The following FGF14 variants were observed in gnomAD, a reference collection of about 807,000 sequenced individuals.
The protein encoded by FGF14 is fibroblast growth factor 14.
In FGF14, 5 loss-of-function variants were observed where a neutral mutation model predicts 25.5. The ratio of observed to expected loss-of-function variants is 0.20; its 90% confidence interval spans 0.10 to 0.41. The LOEUF is 0.41. FGF14 is among the 10% of genes least tolerant of loss of function. The pLI, the probability that FGF14 is intolerant of heterozygous loss-of-function variation, is 1.00. For synonymous variants in FGF14, 138 were observed against 118.3 expected (o/e 1.17, Z -1.08); for missense variants, 222 against 320.1 (o/e 0.69, Z 2.34).
At chr13:102,073,703 A>T (rs1162766620) in intron 1 of FGF14, among the ~76,000 whole-genome samples, 1 of 152,214 alleles carries the variant, frequency 6.6e-6, no homozygotes, top group Non-Finnish European at 1.5e-5. Context: ...AATAACAATC[A>T]AATGGAAGAT....
intron 1 of FGF14, among the ~76,000 whole-genome samples, chr13:101,978,447 TCC>T (rs2038059716): frequency 1.3e-5 from 2 of 152,152 alleles, no homozygotes; most frequent in African/African-American, 2.4e-5. Context: ...CTAAATAGCA[TCC>T]AAAAAACACT....
chr13:102,233,864 T>C (rs1459078257), intron 1 of FGF14, among the ~76,000 whole-genome samples: 2 of 152,206 alleles, frequency 1.3e-5, no homozygotes, highest in East Asian at 3.9e-4. Context: ...ATGCTGACTT[T>C]TAATGTGCTT....
intron 1 of FGF14, among the ~76,000 whole-genome samples, chr13:102,126,227 TC>T (rs1329282159): frequency 7.2e-5 from 11 of 152,146 alleles, no homozygotes; most frequent in African/African-American, 2.7e-4. Flanking sequence ...TCCCATTTCC[TC>T]CCTCTCCTTT....
intron 1 of FGF14, among the ~76,000 whole-genome samples, chr13:102,236,205 C>T (rs1801122081): frequency 6.6e-6 from 1 of 152,168 alleles, no homozygotes; most frequent in African/African-American, 2.4e-5. Flanking sequence ...TTCTAATAAA[C>T]TTCTTTCACT....
chr13:101,785,133 C>T (rs772311002), intron 3 of FGF14, among the ~76,000 whole-genome samples: 63 of 152,114 alleles, frequency 4.1e-4, no homozygotes, highest in Non-Finnish European at 6.8e-4. Flanking sequence ...AAGCACATGT[C>T]TTCCAAATGT....
intron 1 of FGF14, among the ~76,000 whole-genome samples, chr13:102,188,100 A>T (rs1474779614): frequency 1.3e-5 from 2 of 152,196 alleles, no homozygotes; most frequent in East Asian, 3.9e-4. Flanking sequence ...GTGAAATGCA[A>T]GAACCAGATA....
chr13:101,945,771 G>A (rs2035764123), intron 1 of FGF14, among the ~76,000 whole-genome samples: 1 of 152,188 alleles, frequency 6.6e-6, no homozygotes, highest in South Asian at 2.1e-4. Context: ...CTCTGCTGCT[G>A]TGACACGGCA....
chr13:101,738,983 T>C (rs2036365597), intron 3 of FGF14, among the ~76,000 whole-genome samples: 1 of 148,234 alleles, frequency 6.7e-6, no homozygotes, highest in Admixed American at 6.8e-5. Context: ...TGCCAATTGG[T>C]GTGTTTATAT....
chr13:102,257,240 T>C lies in FGF14; in HGVS notation c.208+144231A>G, dbSNP rs140778969. ...GATAGAAATGCATTACCTCCAATAA[T>C]AGGGACATTTTCTGGAAGTGAATTC... On this transcript the variant is annotated intron_variant, in intron 1 of 4. Coordinates refer to the FGF14 transcript ENST00000376131. Among the ~76,000 whole-genome samples, 19 of 151,810 alleles carry C rather than the reference T, an allele frequency of 1.3e-4. No homozygotes were observed. In the East Asian group the frequency reaches 3.3e-3, roughly 26 times the overall value.
At chr13:101,825,593 C>T (rs746927321) in intron 3 of FGF14, among the ~76,000 whole-genome samples, 6 of 152,078 alleles carry the variant, frequency 3.9e-5, no homozygotes, top group Non-Finnish European at 7.3e-5. Flanking sequence ...GTTAGCGTTA[C>T]AGAAAAGTCC....
chr13:102,162,146 T>G (rs566483289), intron 1 of FGF14, among the ~76,000 whole-genome samples: 30 of 152,166 alleles, frequency 2.0e-4, no homozygotes, highest in Non-Finnish European at 4.3e-4. Context: ...AACTTGCAGC[T>G]AACTGGGAGG....
At chr13:101,725,566 A>G (rs2035364319) in intron 4 of FGF14, among the ~76,000 whole-genome samples, 1 of 152,128 alleles carries the variant, frequency 6.6e-6, no homozygotes, top group Non-Finnish European at 1.5e-5. Flanking sequence ...CTCACAGATG[A>G]TGAAGAATTG....
chr13:101,918,554 ACTTTCT>A (rs546438139), upstream of FGF14, among the ~76,000 whole-genome samples: 1 of 152,174 alleles, frequency 6.6e-6, no homozygotes, highest in Admixed American at 6.5e-5. Flanking sequence ...ACCAAAACAC[ACTTTCT>A]CTTTGTCTCA....
At chr13:101,882,650 A>C (rs969459648) in intron 1 of FGF14, among the ~76,000 whole-genome samples, 1 of 152,164 alleles carries the variant, frequency 6.6e-6, no homozygotes. Context: ...AAATAACTGC[A>C]CATGGCAAGG....
chr13:101,917,834 C>G (rs2033686825), upstream of FGF14, among the ~76,000 whole-genome samples: 1 of 152,170 alleles, frequency 6.6e-6, no homozygotes, highest in Non-Finnish European at 1.5e-5. Context: ...CTCCCCAGCC[C>G]TGGGAGGAGG....
intron 1 of FGF14, among the ~76,000 whole-genome samples, chr13:102,023,556 C>T (rs1296270742): frequency 6.6e-6 from 1 of 151,922 alleles, no homozygotes; most frequent in Non-Finnish European, 1.5e-5. Flanking sequence ...AAAATTTTAT[C>T]ATCACAAAAA....
At chr13:102,228,434 G>T (rs1380066439) in intron 1 of FGF14, among the ~76,000 whole-genome samples, 1 of 152,128 alleles carries the variant, frequency 6.6e-6, no homozygotes, top group Non-Finnish European at 1.5e-5. Flanking sequence ...GGTATTAATT[G>T]AATAGCATAT....
At chr13:101,792,775 C>G (rs954934730) in intron 3 of FGF14, among the ~76,000 whole-genome samples, 1 of 152,080 alleles carries the variant, frequency 6.6e-6, no homozygotes, top group Non-Finnish European at 1.5e-5. Flanking sequence ...CTTGAAAAAT[C>G]AGAAGATTTA....
At chr13:101,801,842 C>T (rs2040888892) in intron 3 of FGF14, 1 of 267,986 alleles carries the variant, frequency 3.7e-6, no homozygotes, top group Non-Finnish European at 7.5e-6. Flanking sequence ...GCATCATGCC[C>T]TACACTGCCC....
Sources: gnomAD v4.1 joint callset for allele counts (sites outside exome capture counted in the v4.1 genomes callset) on GRCh38, gnomAD v4.1.1 for gene constraint, MANE v1.5 for transcripts, NCBI Gene and HGNC (gene_info 2026-07-23, HGNC 2026-07-21) for gene names.